BLTP3B: variants seen among roughly 807,000 people sequenced by gnomAD.
BLTP3B encodes UHRF1 (ICBP90) binding protein 1-like.
the BLTP3B span, among the ~76,000 whole-genome samples, chr12:100,123,949 A>T: frequency 2.0e-5 from 3 of 152,150 alleles, no homozygotes; most frequent in East Asian, 5.8e-4. Flanking sequence ...CAGTGTTTTT[A>T]AAAATCTCAA....
the BLTP3B span, chr12:100,058,718 A>G: frequency 1.2e-6 from 2 of 1,614,002 alleles, no homozygotes; most frequent in Non-Finnish European, 1.7e-6. Context: ...ATGTCTGACT[A>G]GCAGGACTGC....
At chr12:100,058,075 C>G in the BLTP3B span, 1 of 1,600,472 alleles carries the variant, frequency 6.2e-7, no homozygotes, top group South Asian at 1.1e-5. Flanking sequence ...GGGGTCTCTT[C>G]TTTACTGATA....
the BLTP3B span, chr12:100,084,492 G>C: frequency 1.2e-6 from 2 of 1,613,518 alleles, no homozygotes; most frequent in East Asian, 2.2e-5. Flanking sequence ...GTGTGTGCTG[G>C]GGAGAGGCAT....
chr12:100,124,944 A>ATATATATG, the BLTP3B span, among the ~76,000 whole-genome samples: 1 of 37,746 alleles, frequency 2.6e-5, no homozygotes, highest in East Asian at 4.9e-4. Context: ...TTTTATATAT[A>ATATATATG]TATATATATA....
the BLTP3B span, among the ~76,000 whole-genome samples, chr12:100,069,456 G>C: frequency 6.6e-6 from 1 of 151,000 alleles, no homozygotes; most frequent in Non-Finnish European, 1.5e-5. Flanking sequence ...ACATATATGT[G>C]CGTGTGTATA....
At chr12:100,037,600 C>G in the BLTP3B span, 1 of 1,604,350 alleles carries the variant, frequency 6.2e-7, no homozygotes, top group Non-Finnish European at 8.5e-7. Flanking sequence ...CCTTCCTACT[C>G]CAGAGCTATA....
At chr12:100,131,972 A>G in the BLTP3B span, among the ~76,000 whole-genome samples, 1 of 152,118 alleles carries the variant, frequency 6.6e-6, no homozygotes, top group East Asian at 1.9e-4. Context: ...TGTATTTTTA[A>G]GTAGAGATGG....
chr12:100,053,172 A>G, the BLTP3B span, among the ~76,000 whole-genome samples: 1 of 151,800 alleles, frequency 6.6e-6, no homozygotes. Context: ...TGGGAGGCTG[A>G]GGCGGGTGGA....
the BLTP3B span, among the ~76,000 whole-genome samples, chr12:100,053,329 A>G: frequency 0.021 from 3,196 of 151,838 alleles, 118 homozygotes; most frequent in African/African-American, 0.073. Context: ...AATCACTTGA[A>G]CCCAGGAGGC....
the BLTP3B span, among the ~76,000 whole-genome samples, chr12:100,124,964 ATATATATATATATATT>A: frequency 9.2e-6 from 1 of 108,236 alleles, no homozygotes; most frequent in African/African-American, 4.0e-5. Context: ...ATATATATAT[ATATATATATATATATT>A]TATATTTATT....
chr12:100,039,278 G>A, the BLTP3B span, among the ~76,000 whole-genome samples: 1 of 150,512 alleles, frequency 6.6e-6, no homozygotes. Flanking sequence ...AGCAAATACA[G>A]CAATATGAAA....
At chr12:100,103,807 G>T in the BLTP3B span, 3 of 1,012,476 alleles carry the variant, frequency 3.0e-6, no homozygotes, top group African/African-American at 3.4e-5. Context: ...CCTAACTGGT[G>T]AAAAATCCAG....
At chr12:100,082,224 G>T in the BLTP3B span, among the ~76,000 whole-genome samples, 3 of 152,306 alleles carry the variant, frequency 2.0e-5, no homozygotes, top group African/African-American at 7.2e-5. Context: ...AGAAGTGTGT[G>T]TTCATGTCCT....
the BLTP3B span, among the ~76,000 whole-genome samples, chr12:100,085,523 A>G: frequency 6.6e-6 from 1 of 151,192 alleles, no homozygotes; most frequent in Non-Finnish European, 1.5e-5. Context: ...ATTTAAAATG[A>G]AAAAAAAATC....
At chr12:100,089,089 T>C in the BLTP3B span, 38 of 1,557,062 alleles carry the variant, frequency 2.4e-5, no homozygotes, top group African/African-American at 2.8e-5. Context: ...GCGACTACTG[T>C]AGAGCTCTAA....
At chr12:100,042,306 A>G in the BLTP3B span, among the ~76,000 whole-genome samples, 1 of 152,020 alleles carries the variant, frequency 6.6e-6, no homozygotes, top group East Asian at 1.9e-4. Context: ...ATTGCAAGGG[A>G]CCCAAAAGAG....
At chr12:100,077,043 T>C in the BLTP3B span, among the ~76,000 whole-genome samples, 7 of 152,218 alleles carry the variant, frequency 4.6e-5, no homozygotes, top group Non-Finnish European at 1.0e-4. Context: ...ATAAATTTAT[T>C]TAAATCCTAA....
chr12:100,087,613 T>C, the BLTP3B span, among the ~76,000 whole-genome samples: 2 of 151,960 alleles, frequency 1.3e-5, no homozygotes, highest in African/African-American at 2.4e-5. Flanking sequence ...AGGCAAAGAA[T>C]AAAAAAAAGT....
chr12:100,060,123 G>A, the BLTP3B span: 4 of 1,127,650 alleles, frequency 3.5e-6, no homozygotes, highest in Non-Finnish European at 3.6e-6. Context: ...TACATGTTTA[G>A]TCAGTTTTAT....
Sources: allele counts gnomAD v4.1 joint callset (sites outside exome capture counted in the v4.1 genomes callset), GRCh38; gene constraint gnomAD v4.1.1; transcripts MANE v1.5; gene names NCBI Gene and HGNC (gene_info 2026-07-23, HGNC 2026-07-21).